Variants in NTRK3 observed in about 807,000 individuals in gnomAD.
NTRK3 encodes neurotrophic receptor tyrosine kinase 3, also known as NT-3 growth factor receptor.
Under a neutral mutation model 91.7 loss-of-function variants are expected in NTRK3, and 24 were observed. The observed-to-expected ratio is 0.26, with a 90% CI of 0.19 to 0.37. NTRK3 has a LOEUF of 0.37. Among genes scored for constraint, NTRK3 ranks in the 10% least tolerant of loss-of-function variants. NTRK3 has a pLI of 1.00. For synonymous variants in NTRK3, 483 were observed against 404.0 expected (o/e 1.20, Z -2.34); for missense variants, 880 against 1,068.9 (o/e 0.82, Z 2.46).
At chr15:88,163,300 T>C (rs2044637006) in intron 5 of NTRK3, among the ~76,000 whole-genome samples, 2 of 152,222 alleles carry the variant, frequency 1.3e-5, no homozygotes, top group Non-Finnish European at 2.9e-5. Flanking sequence ...AGCTGATCTA[T>C]AATGAGCCCT....
At chr15:88,132,906 G>T (rs1318622919) in intron 10 of NTRK3, among the ~76,000 whole-genome samples, 4 of 152,146 alleles carry the variant, frequency 2.6e-5, no homozygotes, top group African/African-American at 9.7e-5. Flanking sequence ...CAGGTGAGGT[G>T]CTTTCTCTTT....
At chr15:87,948,250 C>G (rs1383252106) in intron 14 of NTRK3, among the ~76,000 whole-genome samples, 2 of 152,208 alleles carry the variant, frequency 1.3e-5, no homozygotes, top group Non-Finnish European at 2.9e-5. Context: ...CCTGCAGAGC[C>G]ATCCCTGGAT....
intron 14 of NTRK3, among the ~76,000 whole-genome samples, chr15:87,975,733 A>G (rs866945941): frequency 6.6e-6 from 1 of 152,200 alleles, no homozygotes. Context: ...CATTCTGCCC[A>G]GCAACCTTTC....
intron 17 of NTRK3, 24 bp downstream of exon 17, chr15:87,929,167 C>T: frequency 6.2e-7 from 1 of 1,614,114 alleles, no homozygotes; most frequent in South Asian, 1.1e-5. Flanking sequence ...TGGCTGAGTC[C>T]TGCAGCTGGG....
chr15:88,158,489 G>C (rs369572169), intron 5 of NTRK3, among the ~76,000 whole-genome samples: 4 of 152,170 alleles, frequency 2.6e-5, no homozygotes, highest in Admixed American at 1.3e-4. Flanking sequence ...GGGAAAATGC[G>C]GTCCTCACCC....
chr15:88,059,525 C>T (rs1240826783), intron 13 of NTRK3, among the ~76,000 whole-genome samples: 3 of 152,138 alleles, frequency 2.0e-5, no homozygotes, highest in Non-Finnish European at 4.4e-5. Flanking sequence ...GCACATGCTC[C>T]ACTCATATTC....
At chr15:88,056,970 AC>A (rs571143005) in intron 13 of NTRK3, among the ~76,000 whole-genome samples, 308 of 151,996 alleles carry the variant, frequency 2.0e-3, no homozygotes, top group Non-Finnish European at 3.6e-3. Flanking sequence ...GGAGATCGAG[AC>A]CATCCTCGCT....
chr15:87,886,667 C>G (rs2141525648), intron 17 of NTRK3, among the ~76,000 whole-genome samples: 1 of 56,324 alleles, frequency 1.8e-5, no homozygotes, highest in African/African-American at 5.8e-5. Flanking sequence ...AGAAAAATCC[C>G]ACTTTTTGCT....
exon 19 of NTRK3, chr15:87,873,557 C>A: frequency 4.3e-6 from 1 of 231,932 alleles, no homozygotes; most frequent in Admixed American, 5.6e-5. Context: ...AAAGAGCTCA[C>A]TTCAAAGCTA....
intron 16 of NTRK3, among the ~76,000 whole-genome samples, 167 bp downstream of exon 16, chr15:87,932,837 AAAGGCCTG>A (rs911796474): frequency 3.3e-5 from 5 of 152,200 alleles, no homozygotes; most frequent in African/African-American, 1.2e-4. Flanking sequence ...AACCGGGGAC[AAAGGCCTG>A]AATCTGGCTG....
intron 13 of NTRK3, among the ~76,000 whole-genome samples, chr15:88,045,703 C>G (rs1450888001): frequency 6.6e-6 from 1 of 152,216 alleles, no homozygotes; most frequent in Non-Finnish European, 1.5e-5. Context: ...GATAGAATCC[C>G]TCCTTGCCTC....
intron 13 of NTRK3, among the ~76,000 whole-genome samples, chr15:88,060,382 TCA>T (rs2046106564): frequency 2.5e-5 from 2 of 78,588 alleles, no homozygotes; most frequent in Admixed American, 1.5e-4. Context: ...AGACTCCATC[TCA>T]AAAAAAAAAA....
intron 14 of NTRK3, among the ~76,000 whole-genome samples, chr15:87,954,088 A>C (rs1222350957): frequency 7.0e-6 from 1 of 142,594 alleles, no homozygotes; most frequent in Non-Finnish European, 1.5e-5. Flanking sequence ...ATAGATCTTT[A>C]TTGTAGGCTC....
At chr15:88,020,949 T>G (rs1296400819) in intron 14 of NTRK3, among the ~76,000 whole-genome samples, 1 of 152,220 alleles carries the variant, frequency 6.6e-6, no homozygotes, top group Non-Finnish European at 1.5e-5. Flanking sequence ...GAAAGCTGCC[T>G]GCATCTTGAT....
chr15:88,015,019 G>A (rs1433814069), intron 14 of NTRK3, among the ~76,000 whole-genome samples: 2 of 152,246 alleles, frequency 1.3e-5, no homozygotes, highest in African/African-American at 2.4e-5. Context: ...CTGCTAGATC[G>A]CTCTCATTTT....
chr15:87,960,631 T>C (rs1237180890), intron 14 of NTRK3, among the ~76,000 whole-genome samples: 2 of 152,058 alleles, frequency 1.3e-5, no homozygotes, highest in Non-Finnish European at 2.9e-5. Flanking sequence ...ATCATGGGTG[T>C]GTGCCACTAC....
At chr15:88,118,242 G>A (rs959930018) in intron 13 of NTRK3, among the ~76,000 whole-genome samples, 10 of 152,182 alleles carry the variant, frequency 6.6e-5, no homozygotes, top group African/African-American at 2.2e-4. Flanking sequence ...CTGCATAAAC[G>A]CGGGTCTTGG....
chr15:87,881,855 G>C (rs934134867), intron 17 of NTRK3, among the ~76,000 whole-genome samples: 2 of 152,096 alleles, frequency 1.3e-5, no homozygotes, highest in Non-Finnish European at 2.9e-5. Context: ...AAGAATTTTA[G>C]GAGGTAAATT....
At chr15:88,169,550 C>G (rs1199983605) in intron 5 of NTRK3, among the ~76,000 whole-genome samples, 1 of 152,188 alleles carries the variant, frequency 6.6e-6, no homozygotes, top group Non-Finnish European at 1.5e-5. Flanking sequence ...ATATGAATCA[C>G]TCTGCTGCCT....
Sources: gnomAD v4.1 joint callset for allele counts (sites outside exome capture counted in the v4.1 genomes callset) on GRCh38, gnomAD v4.1.1 for gene constraint, MANE v1.5 for transcripts, NCBI Gene and HGNC (gene_info 2026-07-23, HGNC 2026-07-21) for gene names.